KSR2: variants seen among roughly 807,000 people sequenced by gnomAD.
KSR2 encodes kinase suppressor of ras 2.
A neutral mutation model predicts 107.8 loss-of-function variants in KSR2; 25 were observed. The observed-to-expected ratio is 0.23, with a 90% CI of 0.17 to 0.32. KSR2 has a LOEUF of 0.32. Among genes scored for constraint, KSR2 ranks in the 10% least tolerant of loss-of-function variants. The pLI is 1.00. For synonymous variants in KSR2, 480 were observed against 507.0 expected (o/e 0.95, Z 0.71); for missense variants, 887 against 1,268.9 (o/e 0.70, Z 4.57).
At chr12:117,914,543 G>C (rs964929335) in intron 1 of KSR2, among the ~76,000 whole-genome samples, 2 of 152,016 alleles carry the variant, frequency 1.3e-5, no homozygotes, top group Non-Finnish European at 2.9e-5. Flanking sequence ...GTCATAATCA[G>C]TAATTTATTT....
intron 3 of KSR2, among the ~76,000 whole-genome samples, chr12:117,820,169 TCCCCC>T (rs1891514491): frequency 2.0e-5 from 3 of 151,990 alleles, no homozygotes; most frequent in Admixed American, 1.3e-4. Flanking sequence ...AGCTAAGGGT[TCCCCC>T]CTACCCAGCT....
At chr12:117,705,085 C>T (rs910427282) in intron 4 of KSR2, among the ~76,000 whole-genome samples, 2 of 152,100 alleles carry the variant, frequency 1.3e-5, no homozygotes, top group Non-Finnish European at 2.9e-5. Flanking sequence ...CCAGGGCCTG[C>T]CTCCAAGGGA....
intron 5 of KSR2, among the ~76,000 whole-genome samples, chr12:117,618,654 G>T (rs984352999): frequency 1.3e-5 from 2 of 152,038 alleles, no homozygotes; most frequent in South Asian, 4.1e-4. Context: ...TAGTGAATAA[G>T]TCTCATAAGA....
At chr12:117,721,062 T>C (rs1887187345) in intron 4 of KSR2, among the ~76,000 whole-genome samples, 1 of 152,156 alleles carries the variant, frequency 6.6e-6, no homozygotes, top group Non-Finnish European at 1.5e-5. Flanking sequence ...AGTTAAGAAG[T>C]TCATAAGCTC....
At chr12:117,859,680 C>T (rs955928178) in intron 2 of KSR2, among the ~76,000 whole-genome samples, 1 of 151,846 alleles carries the variant, frequency 6.6e-6, no homozygotes, top group African/African-American at 2.4e-5. Context: ...TGGTCCCAAA[C>T]TCCTGTGCTC....
chr12:117,814,757 G>A (rs79848570), intron 3 of KSR2, among the ~76,000 whole-genome samples: 20 of 152,202 alleles, frequency 1.3e-4, no homozygotes, highest in African/African-American at 4.8e-4. Context: ...AGTTTGAGCA[G>A]GATCCCTCAA....
intron 4 of KSR2, among the ~76,000 whole-genome samples, chr12:117,734,820 G>C (rs1186563895): frequency 6.6e-6 from 1 of 152,102 alleles, no homozygotes; most frequent in African/African-American, 2.4e-5. Context: ...CAGTGGTACA[G>C]AGTGCCAGGT....
chr12:117,835,262 GA>G (rs1448711252), intron 3 of KSR2, among the ~76,000 whole-genome samples: 1 of 152,158 alleles, frequency 6.6e-6, no homozygotes, highest in East Asian at 1.9e-4. Context: ...AAAACTGATG[GA>G]AGTTTTAACA....
At chr12:117,917,775 C>T (rs985030633) in intron 1 of KSR2, among the ~76,000 whole-genome samples, 4 of 152,134 alleles carry the variant, frequency 2.6e-5, no homozygotes, top group South Asian at 2.1e-4. Context: ...TGTACATGGC[C>T]GAGCCATGCC....
chr12:117,673,559 A>G (rs1412994256), intron 4 of KSR2, among the ~76,000 whole-genome samples: 1 of 152,116 alleles, frequency 6.6e-6, no homozygotes, highest in African/African-American at 2.4e-5. Flanking sequence ...GAGAGAATAC[A>G]TGGCTATTTG....
intron 1 of KSR2, among the ~76,000 whole-genome samples, chr12:117,861,378 C>CTTTTTT (rs5801257): frequency 8.6e-5 from 7 of 81,682 alleles, no homozygotes; most frequent in Admixed American, 3.0e-4. Context: ...TCCCAATTCG[C>CTTTTTT]TTTTTTTTTT....
intron 14 of KSR2, among the ~76,000 whole-genome samples, chr12:117,520,736 C>A (rs1444171164): frequency 6.6e-6 from 1 of 152,224 alleles, no homozygotes; most frequent in Non-Finnish European, 1.5e-5. Flanking sequence ...CACACCCCTG[C>A]CTACAGCCCT....
chr12:117,644,969 A>G (rs80185194), intron 5 of KSR2, among the ~76,000 whole-genome samples: 4,690 of 152,266 alleles, frequency 0.031, 243 homozygotes, highest in African/African-American at 0.11. Flanking sequence ...AACCCAGTTG[A>G]TTCAGTGGAG....
At chr12:117,861,390 T>C (rs1021412216) in intron 1 of KSR2, among the ~76,000 whole-genome samples, 1 of 131,924 alleles carries the variant, frequency 7.6e-6, no homozygotes, top group African/African-American at 2.9e-5. Context: ...TTTTTTTTTT[T>C]TTTTTTTTTT....
chr12:117,502,228 CAT>C (rs1873421153), intron 14 of KSR2, among the ~76,000 whole-genome samples: 1 of 152,238 alleles, frequency 6.6e-6, no homozygotes, highest in African/African-American at 2.4e-5. Context: ...ACTGTAGGCG[CAT>C]GTGTGTGTAC....
intron 5 of KSR2, among the ~76,000 whole-genome samples, chr12:117,620,204 C>G (rs942883602): frequency 2.0e-5 from 3 of 152,088 alleles, no homozygotes; most frequent in Non-Finnish European, 2.9e-5. Context: ...GATCTGAACC[C>G]ACGTCTAAAA....
At chr12:117,522,343 T>G (rs1874807446) in intron 14 of KSR2, among the ~76,000 whole-genome samples, 1 of 151,102 alleles carries the variant, frequency 6.6e-6, no homozygotes, top group Non-Finnish European at 1.5e-5. Context: ...GGCAGGAGGG[T>G]GGTAAGGAAC....
At chr12:117,501,654 T>G (rs534806216) in intron 14 of KSR2, among the ~76,000 whole-genome samples, 1 of 152,282 alleles carries the variant, frequency 6.6e-6, no homozygotes, top group Non-Finnish European at 1.5e-5. Flanking sequence ...AGGAGTGAGT[T>G]GGGCTAAAGA....
At chr12:117,679,494 T>G (rs12312625) in intron 4 of KSR2, among the ~76,000 whole-genome samples, 9,085 of 152,248 alleles carry the variant, frequency 0.06, 723 homozygotes, top group African/African-American at 0.18. Context: ...AGACACAGCT[T>G]CCATTGTCAG....
Sources: allele counts gnomAD v4.1 joint callset (sites outside exome capture counted in the v4.1 genomes callset), GRCh38; gene constraint gnomAD v4.1.1; transcripts MANE v1.5; gene names NCBI Gene and HGNC (gene_info 2026-07-23, HGNC 2026-07-21).